The following CCDC91 variants were observed in gnomAD, a reference collection of about 807,000 sequenced individuals.
CCDC91 encodes the protein coiled-coil domain-containing protein 91.
In CCDC91, 48 loss-of-function variants were observed where a neutral mutation model predicts 63.2. That is an observed-to-expected ratio of 0.76 (90% CI 0.60 to 0.97). The LOEUF is 0.97. CCDC91 is among the 50% of genes least tolerant of loss of function. The pLI is 0.00. For missense variants in CCDC91, 500 were observed against 494.6 expected, an observed-to-expected ratio of 1.01 and a Z score of -0.10; for synonymous variants, 167 against 165.8, an observed-to-expected ratio of 1.01 and a Z score of -0.06.
chr12:28,264,797 A>G (rs1376735534), intron 3 of CCDC91, among the ~76,000 whole-genome samples: 1 of 151,672 alleles, frequency 6.6e-6, no homozygotes, highest in East Asian at 1.9e-4. Flanking sequence ...GAATCCATGG[A>G]GTTTATTTAA....
chr12:28,505,893 T>A (rs1346021307), intron 12 of CCDC91, among the ~76,000 whole-genome samples: 8 of 152,006 alleles, frequency 5.3e-5, no homozygotes, highest in Non-Finnish European at 1.5e-5. Context: ...CAGAGATGAC[T>A]GCTTAAACAG....
chr12:28,220,082 T>C lies in CCDC91; in HGVS notation c.-15+29441T>C, dbSNP rs1278087432. Among the ~76,000 whole-genome samples, 5 of 152,190 alleles carry C rather than the reference T, an allele frequency of 3.3e-5. No homozygotes were observed. The South Asian group carries it at 6.2e-4, about 19-fold the overall frequency. ...GTGTCTGCTTTTAAATTTAGTTGTTTAGACCACTTACACTTAATGCAATTA... is the reference window on the plus strand; with the variant it reads ...GTGTCTGCTTTTAAATTTAGTTGTTCAGACCACTTACACTTAATGCAATTA... On this transcript the variant is annotated intron_variant, in intron 1 of 12. Transcript: ENST00000536442.
chr12:28,319,241 A>G (rs1336190794), intron 6 of CCDC91: 1 of 151,978 alleles, frequency 6.6e-6, no homozygotes, highest in Non-Finnish European at 1.5e-5. Context: ...ATGCTTATAA[A>G]TGTAAAAATA....
At chr12:28,416,503 G>A (rs907988421) in intron 8 of CCDC91, among the ~76,000 whole-genome samples, 16 of 152,066 alleles carry the variant, frequency 1.1e-4, no homozygotes, top group Non-Finnish European at 1.6e-4. Flanking sequence ...GGGATGTATC[G>A]GCAAGGACAG....
chr12:28,266,362 G>A (rs531604431), intron 3 of CCDC91, among the ~76,000 whole-genome samples: 17 of 151,922 alleles, frequency 1.1e-4, no homozygotes, highest in Non-Finnish European at 2.4e-4. Flanking sequence ...TAAATTGAAA[G>A]ACTAGATGAT....
At chr12:28,519,732 A>T (rs1243234737) in intron 12 of CCDC91, among the ~76,000 whole-genome samples, 2 of 49,630 alleles carry the variant, frequency 4.0e-5, no homozygotes, top group Admixed American at 6.1e-4. Context: ...CCCCCACCCC[A>T]CAACAGGCCC....
At chr12:28,423,810 C>T (rs1168889495) in intron 8 of CCDC91, among the ~76,000 whole-genome samples, 2 of 151,142 alleles carry the variant, frequency 1.3e-5, no homozygotes, top group Admixed American at 1.3e-4. Flanking sequence ...ATTTAGTTTC[C>T]AAAAAAGAAA....
intron 7 of CCDC91, among the ~76,000 whole-genome samples, chr12:28,372,064 A>G (rs147478739): frequency 6.6e-6 from 1 of 152,188 alleles, no homozygotes; most frequent in Non-Finnish European, 1.5e-5. Flanking sequence ...GTGGATATCC[A>G]GTTTTTCCAG....
At chr12:28,361,349 A>T (rs943366962) in intron 6 of CCDC91, among the ~76,000 whole-genome samples, 5 of 151,590 alleles carry the variant, frequency 3.3e-5, no homozygotes. Context: ...ACCCCACAAC[A>T]GTCCCCAGAG....
intron 3 of CCDC91, chr12:28,302,875 G>C (rs1406776537): frequency 2.0e-5 from 3 of 152,366 alleles, no homozygotes; most frequent in Non-Finnish European, 4.4e-5. Flanking sequence ...GGTATCATTA[G>C]CTTAGAGGTG....
At chr12:28,223,986 A>G (rs1204064903) in intron 1 of CCDC91, among the ~76,000 whole-genome samples, 1 of 152,188 alleles carries the variant, frequency 6.6e-6, no homozygotes, top group Non-Finnish European at 1.5e-5. Flanking sequence ...TGTCTCAGAA[A>G]GCCTAAAGCG....
chr12:28,241,573 G>T (rs368572906), intron 1 of CCDC91, among the ~76,000 whole-genome samples: 4 of 152,154 alleles, frequency 2.6e-5, no homozygotes, highest in African/African-American at 9.6e-5. Context: ...TTCTCGATGC[G>T]CATTTGGGTT....
intron 12 of CCDC91, among the ~76,000 whole-genome samples, chr12:28,547,938 C>T (rs748023524): frequency 6.6e-6 from 1 of 152,036 alleles, no homozygotes; most frequent in Non-Finnish European, 1.5e-5. Context: ...ATAAGTATGA[C>T]AAGTATATTA....
intron 8 of CCDC91, among the ~76,000 whole-genome samples, chr12:28,427,854 T>G (rs1460571892): frequency 6.6e-6 from 1 of 152,222 alleles, no homozygotes; most frequent in Non-Finnish European, 1.5e-5. Flanking sequence ...AATATATGTT[T>G]TCATTATCTA....
chr12:28,517,677 T>C (rs1206421665), intron 12 of CCDC91, among the ~76,000 whole-genome samples: 2 of 151,930 alleles, frequency 1.3e-5, no homozygotes, highest in African/African-American at 2.4e-5. Flanking sequence ...TTGGGTGATA[T>C]TTGGTTTCAT....
intron 3 of CCDC91, among the ~76,000 whole-genome samples, chr12:28,287,829 C>G (rs1317014882): frequency 6.6e-6 from 1 of 152,102 alleles, no homozygotes; most frequent in Non-Finnish European, 1.5e-5. Flanking sequence ...TCTTTCTATC[C>G]ATGAGTGTGG....
At chr12:28,340,470 T>C (rs1463993417) in intron 6 of CCDC91, among the ~76,000 whole-genome samples, 1 of 152,250 alleles carries the variant, frequency 6.6e-6, no homozygotes, top group Non-Finnish European at 1.5e-5. Flanking sequence ...GCAGGAATAC[T>C]CAGTTCATTA....
chr12:28,237,545 A>G (rs1945047602), intron 1 of CCDC91, among the ~76,000 whole-genome samples: 1 of 152,176 alleles, frequency 6.6e-6, no homozygotes, highest in Non-Finnish European at 1.5e-5. Flanking sequence ...AGCCTTGAAC[A>G]TTAGAGTGAT....
At chr12:28,478,239 G>C (rs1372342031) in intron 11 of CCDC91, among the ~76,000 whole-genome samples, 3 of 152,100 alleles carry the variant, frequency 2.0e-5, no homozygotes, top group Admixed American at 6.6e-5. Context: ...AACCAAAACA[G>C]CATGGTACTG....
Sources: allele counts gnomAD v4.1 joint callset (sites outside exome capture counted in the v4.1 genomes callset), GRCh38; gene constraint gnomAD v4.1.1; transcripts MANE v1.5; gene names NCBI Gene and HGNC (gene_info 2026-07-23, HGNC 2026-07-21).